Variants in STEAP3 observed in about 807,000 individuals in gnomAD.
STEAP3 encodes metalloreductase STEAP3.
In STEAP3, 35 loss-of-function variants were observed where a neutral mutation model predicts 34.9. That is an observed-to-expected ratio of 1.00 (90% CI 0.76 to 1.33). STEAP3 has a LOEUF of 1.33. STEAP3 is among the 40% of genes most tolerant of loss of function. STEAP3 has a pLI of 0.00. For missense variants in STEAP3, 652 were observed against 667.6 expected, an observed-to-expected ratio of 0.98 and a Z score of 0.26; for synonymous variants, 281 against 301.6, an observed-to-expected ratio of 0.93 and a Z score of 0.71.
At chr2:119,239,073 C>T (rs1677169041) in intron 2 of STEAP3, among the ~76,000 whole-genome samples, 1 of 152,158 alleles carries the variant, frequency 6.6e-6, no homozygotes, top group Non-Finnish European at 1.5e-5. Context: ...GTATATGGCC[C>T]TTGGCTACTT....
At chr2:119,252,921 G>A (rs1677668503) in intron 4 of STEAP3, among the ~76,000 whole-genome samples, 1 of 152,196 alleles carries the variant, frequency 6.6e-6, no homozygotes, top group African/African-American at 2.4e-5. Flanking sequence ...TCTGACTTGT[G>A]ACATTAACTG....
At position 119,264,432 on chromosome 2, in the gene STEAP3, G is replaced by A. The variant is rs1678044732; in HGVS notation, c.*1094G>A. ...ACACTGGCTCCAACTTCCTCCTCAT[G>A]GGGCATTACACTTCAAAACAGTGGG... On this transcript the variant is annotated 3_prime_UTR_variant, in exon 6 of 6. Coordinates refer to ENST00000393110, the MANE Select transcript of STEAP3 (RefSeq NM_182915.3). 6.6e-6 allele frequency: 1 copy of A among 152,182 alleles called. No individual in the cohort carries two copies. The highest frequency in any genetic ancestry group is 2.4e-5 in the African/African-American group (1 of 41,426). 9.4% of individuals were successfully genotyped at this position (152,182 alleles called of 1,614,324 possible).
intron 4 of STEAP3, among the ~76,000 whole-genome samples, chr2:119,254,442 T>C (rs1265768045): frequency 6.6e-6 from 1 of 152,064 alleles, no homozygotes; most frequent in Non-Finnish European, 1.5e-5. Context: ...CTTGGGAAAG[T>C]GATTTGATCT....
rs117513302 is a variant in STEAP3 at position 119,225,336 on chromosome 2, A to T, written c.-394+1448A>T. On this transcript the variant is annotated intron_variant, in intron 1 of 5. Transcript: ENST00000393110. ...TCACTAGTGTCCTGAAGGGGGCTTA[A>T]ATGGAGCAGGTGGCCTCAGCCAGGC... Among the ~76,000 whole-genome samples, 4 of 152,310 alleles carry T rather than the reference A, an allele frequency of 2.6e-5. No homozygotes were observed. In the East Asian group the frequency reaches 7.7e-4, roughly 29 times the overall value.
intron 4 of STEAP3, among the ~76,000 whole-genome samples, chr2:119,254,403 C>T (rs1442301287): frequency 6.6e-6 from 1 of 152,098 alleles, no homozygotes; most frequent in African/African-American, 2.4e-5. Flanking sequence ...GTCCTGATCC[C>T]AGCTCTGCAT....
chr2:119,245,159 G>A (rs1227545773), intron 2 of STEAP3: 6 of 327,906 alleles, frequency 1.8e-5, no homozygotes, highest in Non-Finnish European at 3.4e-5. Flanking sequence ...AAGAAGTATG[G>A]CACTGCATCA....
Position 119,231,110 on chromosome 2 carries a change from T to A in STEAP3, c.22+76T>A, listed in dbSNP as rs373269503. The A allele has an allele frequency of 2.6e-5, 42 of 1,595,508 alleles. No individual in the cohort carries two copies. The African/African-American group carries it at 3.7e-4, about 14-fold the overall frequency. ...CCCTCCCACCAGCTCCCTCACCACC[T>A]GACCCCTGCCCTGCTGGAGGGTGCC... On this transcript the variant is annotated intron_variant, in intron 2 of 5. Coordinates refer to ENST00000393110, the MANE Select transcript of STEAP3 (RefSeq NM_182915.3).
intron 1 of STEAP3, among the ~76,000 whole-genome samples, chr2:119,228,202 G>A (rs1006907274): frequency 6.6e-6 from 1 of 152,178 alleles, no homozygotes; most frequent in African/African-American, 2.4e-5. Flanking sequence ...TGATTTTCCT[G>A]GTGGGCTTGA....
chr2:119,262,374 A>T (rs77699096), intron 5 of STEAP3, among the ~76,000 whole-genome samples: 9,568 of 152,060 alleles, frequency 0.063, 725 homozygotes, highest in African/African-American at 0.18. Flanking sequence ...GTATATGTAT[A>T]TATATATTTA....
intron 5 of STEAP3, chr2:119,257,579 C>G: frequency 6.5e-7 from 1 of 1,542,638 alleles, no homozygotes; most frequent in Non-Finnish European, 8.8e-7. Flanking sequence ...CTCGGAGCTT[C>G]TGCTGCTCAC....
intron 1 of STEAP3, among the ~76,000 whole-genome samples, chr2:119,227,063 A>T (rs1326011075): frequency 4.6e-5 from 7 of 152,204 alleles, no homozygotes; most frequent in Non-Finnish European, 8.8e-5. Flanking sequence ...AGACCAGCTG[A>T]GTCCCACTTC....
In STEAP3 at chr2:119,245,731, G is replaced by A. The variant is rs1677397813; in HGVS notation, c.265G>A (p.Glu89Lys). The stretch of plus-strand genomic sequence containing the variant: ...AGCGGCCCAAGTGACTTTCCAAGAG[G>A]AGGCAGTGAGCTCCCCGGAGGTCAT... ...PSAAQVTFQE[E>K]AVSSPEVIFV... The change falls in exon 3 of 6, where the codon GAG becomes AAG. Residue 89 changes from glutamate (E) to lysine (K), a missense_variant. By Grantham distance (56) the Glu-to-Lys change is moderately conservative. Coordinates refer to ENST00000393110, the MANE Select transcript of STEAP3 (RefSeq NM_182915.3). The A allele has an allele frequency of 4.3e-6, 7 of 1,614,104 alleles. No homozygotes were observed. Among genetic ancestry groups the A allele is most frequent in the South Asian group, 1.1e-5 (1 of 91,092 alleles).
At chr2:119,241,968 CT>C (rs1228557857) in intron 2 of STEAP3, among the ~76,000 whole-genome samples, 7 of 152,372 alleles carry the variant, frequency 4.6e-5, no homozygotes, top group African/African-American at 1.7e-4. Context: ...CGGCTGCCCC[CT>C]GGGCAAGAGC....
chr2:119,262,940 C>T (rs1479741569), intron 5 of STEAP3, 117 bp from the exon 6 acceptor site: 54 of 1,374,180 alleles, frequency 3.9e-5, no homozygotes, highest in Non-Finnish European at 5.3e-5. Context: ...CAACCCATAG[C>T]GGTGAGTACT....
intron 2 of STEAP3, among the ~76,000 whole-genome samples, chr2:119,240,059 G>A (rs767630567): frequency 4.6e-5 from 7 of 152,060 alleles, no homozygotes; most frequent in East Asian, 1.9e-4. Flanking sequence ...GTAGCTGGAC[G>A]TGATAGCATG....
rs1461206797 is a variant in STEAP3 at position 119,263,410 on chromosome 2, TTGG to T, written c.*78_*80del. 10 of 1,551,600 alleles carry T rather than the reference TTGG, an allele frequency of 6.4e-6. No individual in the cohort carries two copies. Among genetic ancestry groups the T allele is most frequent in the Non-Finnish European group, 8.7e-6 (10 of 1,150,344 alleles). On this transcript the variant is annotated 3_prime_UTR_variant, in exon 6 of 6. Coordinates refer to ENST00000393110, the MANE Select transcript of STEAP3 (RefSeq NM_182915.3). ...CCTGAGCCCGTTAGGTTTTCTTTTC[TTGG>T]TGGTGCAAAGTGGTATAACTGTGTG...
chr2:119,235,685 C>T (rs147002239), intron 2 of STEAP3, among the ~76,000 whole-genome samples: 19 of 152,326 alleles, frequency 1.2e-4, no homozygotes, highest in African/African-American at 3.6e-4. Context: ...CCTTGAGGAG[C>T]TTGGAGTGGG....
At chr2:119,228,028 C>T (rs1679096537) in intron 1 of STEAP3, among the ~76,000 whole-genome samples, 1 of 152,050 alleles carries the variant, frequency 6.6e-6, no homozygotes, top group South Asian at 2.1e-4. Context: ...TGGGGTTTTG[C>T]CATGTTGGCC....
intron 5 of STEAP3, among the ~76,000 whole-genome samples, chr2:119,258,805 G>T (rs553412050): frequency 2.0e-3 from 268 of 134,830 alleles, no homozygotes; most frequent in Non-Finnish European, 3.0e-3. Flanking sequence ...TGTATTTTTA[G>T]TAGAGATGGG....
Sources: allele counts gnomAD v4.1 joint callset (sites outside exome capture counted in the v4.1 genomes callset), GRCh38; gene constraint gnomAD v4.1.1; transcripts MANE v1.5; gene names NCBI Gene and HGNC (gene_info 2026-07-23, HGNC 2026-07-21).